LRPPRC: variants seen among roughly 807,000 people sequenced by gnomAD.
The protein encoded by LRPPRC is leucine-rich PPR motif-containing protein, mitochondrial.
Under a neutral mutation model 180.3 loss-of-function variants are expected in LRPPRC, and 120 were observed. The ratio of observed to expected loss-of-function variants is 0.67; its 90% CI spans 0.57 to 0.77. The LOEUF is 0.77. Ranked by LOEUF, LRPPRC falls within the 30% of genes least tolerant of loss-of-function variation. The pLI is 0.00. For missense variants in LRPPRC, 2,012 were observed against 1,657.2 expected (o/e 1.21, Z -3.72); for synonymous variants, 723 against 600.0 (o/e 1.21, Z -3.00).
chr2:43,921,773 G>A (rs972571704), intron 27 of LRPPRC, among the ~76,000 whole-genome samples: 4 of 151,986 alleles, frequency 2.6e-5, no homozygotes, highest in Admixed American at 2.0e-4. Flanking sequence ...TAATGGAGGA[G>A]GAAAAAGCCA....
chr2:43,901,263 T>C, intron 32 of LRPPRC, 57 bp downstream of exon 32: 1 of 1,418,414 alleles, frequency 7.1e-7, no homozygotes, highest in East Asian at 2.3e-5. Flanking sequence ...AGGTGGTATC[T>C]GAGGCAATGC....
intron 25 of LRPPRC, among the ~76,000 whole-genome samples, chr2:43,931,333 A>C (rs1317632356): frequency 6.6e-6 from 1 of 152,218 alleles, no homozygotes; most frequent in Admixed American, 6.5e-5. Context: ...AAGAGACAGA[A>C]GGGTTGACCT....
intron 33 of LRPPRC, 43 bp downstream of exon 33, chr2:43,899,423 G>C: frequency 1.2e-6 from 2 of 1,613,376 alleles, no homozygotes; most frequent in Non-Finnish European, 1.7e-6. Context: ...TCACTAGAGA[G>C]AAAATGTGCT....
Position 43,899,527 on chromosome 2 carries a change from G to GA in LRPPRC, c.3647dup (p.Gly1217ArgfsTer19). On this transcript the variant is annotated frameshift_variant, in exon 33 of 38. Transcript: ENST00000260665. LOFTEE classifies it high-confidence loss of function. Reference sequence around the variant, plus strand: ...CTTTTCTGAATAAGTATGCCAAGCCGAAGTATTGGGGTTCAATGACTTTAT... The same window carrying GA: ...CTTTTCTGAATAAGTATGCCAAGCCGAAAGTATTGGGGTTCAATGACTTTAT... 1 of 1,612,488 alleles carries GA rather than the reference G, an allele frequency of 6.2e-7. No homozygotes were observed. Among genetic ancestry groups the GA allele is most frequent in the Non-Finnish European group, 8.5e-7 (1 of 1,178,560 alleles).
Position 43,946,242 on chromosome 2 carries a change from T to C in LRPPRC, c.2081A>G (p.Asn694Ser), listed in dbSNP as rs759162853. ...TTTCAATTCAAGGGCTTTTTGCATA[T>C]TCTAAAATACAGCATAGATGTGAAA... ...QLILVLCSEENMQKALELKAK... is the reference protein window; with the variant it reads ...QLILVLCSEESMQKALELKAK... The change falls in exon 21 of 38, where the codon AAT (asparagine) becomes AGT (serine). Residue 694 changes from asparagine to serine, a missense_variant and splice_region_variant. Transcript: ENST00000260665. The C allele has an allele frequency of 1.2e-5, 19 of 1,609,676 alleles. No homozygotes were observed. The Admixed American group carries it at 2.0e-4, about 17-fold the overall frequency.
At chr2:43,919,075 C>G (rs1371939232) in intron 27 of LRPPRC, among the ~76,000 whole-genome samples, 1 of 152,036 alleles carries the variant, frequency 6.6e-6, no homozygotes, top group Non-Finnish European at 1.5e-5. Flanking sequence ...GAGCATTACC[C>G]GCTGAGCTCC....
At chr2:43,927,902 TTCTGGCTTATC>T (rs1671947824) in intron 25 of LRPPRC, among the ~76,000 whole-genome samples, 2 of 152,234 alleles carry the variant, frequency 1.3e-5, no homozygotes, top group Non-Finnish European at 1.5e-5. Context: ...ATGTCAAGAT[TTCTGGCTTATC>T]TCTTAACATC....
intron 14 of LRPPRC, among the ~76,000 whole-genome samples, chr2:43,953,417 GCTTAAA>G (rs894655092): frequency 1.3e-5 from 2 of 152,272 alleles, no homozygotes; most frequent in Non-Finnish European, 2.9e-5. Context: ...GAAGGAATCC[GCTTAAA>G]CTTATTTTTA....
intron 1 of LRPPRC, among the ~76,000 whole-genome samples, chr2:43,983,832 A>G (rs1674414469): frequency 1.3e-5 from 2 of 152,200 alleles, no homozygotes; most frequent in Admixed American, 6.5e-5. Context: ...TCAAGTTTAT[A>G]TAAAACGAGG....
chr2:43,974,539 A>G (rs1673962896), intron 8 of LRPPRC, 75 bp downstream of exon 8: 1 of 1,100,802 alleles, frequency 9.1e-7, no homozygotes, highest in African/African-American at 1.6e-5. Flanking sequence ...TTGTTAGAAA[A>G]TGTCCTTTCC....
chr2:43,980,553 C>CAA (rs145131663), intron 2 of LRPPRC, among the ~76,000 whole-genome samples: 7 of 84,980 alleles, frequency 8.2e-5, no homozygotes, highest in African/African-American at 1.8e-4. Flanking sequence ...GACTCTGTTT[C>CAA]AAAAAAAAAA....
chr2:43,988,293 T>C (rs1432350742), intron 1 of LRPPRC, among the ~76,000 whole-genome samples: 1 of 149,980 alleles, frequency 6.7e-6, no homozygotes, highest in East Asian at 2.0e-4. Flanking sequence ...TCCCAACACT[T>C]TGGGAGGCCA....
intron 22 of LRPPRC, among the ~76,000 whole-genome samples, chr2:43,944,238 C>T (rs1272984938): frequency 6.6e-6 from 1 of 152,014 alleles, no homozygotes; most frequent in Non-Finnish European, 1.5e-5. Flanking sequence ...ATTGTTTCTT[C>T]AGCAGATGGC....
Position 43,925,089 on chromosome 2 carries a change from G to A in LRPPRC, c.2874C>T (p.Tyr958=). 1.9e-6 allele frequency: 3 copies of A among 1,580,492 alleles called. No homozygotes were observed. Among genetic ancestry groups the A allele is most frequent in the Non-Finnish European group, 2.6e-6 (3 of 1,149,472 alleles). Reference sequence around the variant, plus strand: ...TACTATACAGTTTTAGCAGATTGTAGTACATCTGGTCTCTATCACATTCAA... The same window carrying A: ...TACTATACAGTTTTAGCAGATTGTAATACATCTGGTCTCTATCACATTCAA... ...KLFECDRDQM[Y]YNLLKLYKIN... is the part of the protein sequence containing the mutation. Residue 958 remains tyrosine (Y), a synonymous_variant, in exon 27 of 38, where the codon TAC becomes TAT. Coordinates refer to ENST00000260665, the MANE Select transcript of LRPPRC (RefSeq NM_133259.4).
intron 27 of LRPPRC, among the ~76,000 whole-genome samples, chr2:43,924,545 T>A (rs950555754): frequency 7.2e-5 from 11 of 152,216 alleles, no homozygotes; most frequent in African/African-American, 2.7e-4. Context: ...CTATGTAGTA[T>A]ATAAGTTATT....
At chr2:43,937,607 T>TACTTATGCTACTCAGCTGTAGCA (rs1672322506) in intron 23 of LRPPRC, among the ~76,000 whole-genome samples, 1 of 152,182 alleles carries the variant, frequency 6.6e-6, no homozygotes, top group Non-Finnish European at 1.5e-5. Context: ...CTGATAAGAG[T>TACTTATGCTACTCAGCTGTAGCA]ACTTATGCTA....
chr2:43,942,876 T>C (rs1041992925), intron 23 of LRPPRC, among the ~76,000 whole-genome samples: 3 of 152,124 alleles, frequency 2.0e-5, no homozygotes, highest in African/African-American at 7.2e-5. Flanking sequence ...CAGATACGTA[T>C]ATCTTCCATT....
chr2:43,935,465 G>C (rs1161417530), intron 23 of LRPPRC, among the ~76,000 whole-genome samples: 1 of 152,092 alleles, frequency 6.6e-6, no homozygotes, highest in Non-Finnish European at 1.5e-5. Context: ...ATGAAAACTA[G>C]GATATTCGTG....
chr2:43,994,688 C>G (rs1367067945), intron 1 of LRPPRC, among the ~76,000 whole-genome samples: 1 of 152,158 alleles, frequency 6.6e-6, no homozygotes, highest in Admixed American at 6.5e-5. Flanking sequence ...ATCAGTCTTT[C>G]AAAATCATTT....
Sources: gnomAD v4.1 joint callset for allele counts (sites outside exome capture counted in the v4.1 genomes callset) on GRCh38, gnomAD v4.1.1 for gene constraint, MANE v1.5 for transcripts, NCBI Gene and HGNC (gene_info 2026-07-23, HGNC 2026-07-21) for gene names.